Variants in CRB1 observed in about 807,000 individuals in gnomAD.
CRB1 encodes protein crumbs homolog 1.
CRB1 carries 83 observed loss-of-function variants against 120.0 expected under a neutral mutation model. The observed-to-expected ratio is 0.69, with a 90% CI of 0.58 to 0.83. The LOEUF (loss-of-function observed/expected upper bound fraction) is 0.83. Ranked by LOEUF, CRB1 falls within the 40% of genes least tolerant of loss-of-function variation. The pLI is 0.00. For synonymous variants in CRB1, 625 were observed against 612.5 expected (o/e 1.02, Z -0.30); for missense variants, 1,699 against 1,687.6 (o/e 1.01, Z -0.12).
At chr1:197,441,126 G>A (rs1665412808) in intron 10 of CRB1, 1 of 152,164 alleles carries the variant, frequency 6.6e-6, no homozygotes, top group Admixed American at 6.5e-5. Context: ...TTTGGAAGGT[G>A]AGGGAAAGAA....
chr1:197,450,957 C>CAAAAAAAAAAAAAAAAAAAAAA (rs11288525), intron 11 of CRB1, among the ~76,000 whole-genome samples: 2 of 56,632 alleles, frequency 3.5e-5, no homozygotes, highest in Non-Finnish European at 6.1e-5. Flanking sequence ...GACTCCGTCC[C>CAAAAAAAAAAAAAAAAAAAAAA]AAAAAAAAAA....
chr1:197,375,362 G>A (rs1458602224), intron 5 of CRB1, among the ~76,000 whole-genome samples: 1 of 152,162 alleles, frequency 6.6e-6, no homozygotes, highest in African/African-American at 2.4e-5. Context: ...TTGCATCACA[G>A]CTGAGGAACA....
the CRB1 span, among the ~76,000 whole-genome samples, chr1:197,252,582 ATG>A: frequency 5.9e-3 from 92 of 15,468 alleles, no homozygotes; most frequent in South Asian, 0.015. Flanking sequence ...ATATATATAT[ATG>A]TGTGTGTGTG....
chr1:197,309,698 G>T (rs1486136025), intron 1 of CRB1, among the ~76,000 whole-genome samples: 2 of 151,690 alleles, frequency 1.3e-5, no homozygotes. Context: ...AGCTTGCAGT[G>T]AGCCAAGATC....
chr1:197,413,151 T>C (rs1481093660), intron 5 of CRB1, among the ~76,000 whole-genome samples: 1 of 152,208 alleles, frequency 6.6e-6, no homozygotes, highest in East Asian at 1.9e-4. Flanking sequence ...GAAACCTCTC[T>C]AGGTCCTCAG....
rs376271122 is a variant in CRB1, at chr1:197,435,427, T to C, written c.3564T>C (p.His1188=). The C allele has an allele frequency of 3.1e-6, 5 of 1,598,104 alleles. No homozygotes were observed. The East Asian group carries it at 6.7e-5, about 21-fold the overall frequency. ...IDECFSNPCI[H]GNCSDRVAAY... is the part of the protein sequence containing the mutation. ...AATGCTTTTCAAACCCCTGTATCCA[T>C]GGCAACTGCTCTGACAGAGTTGCAG... is the stretch of plus-strand genomic sequence containing the variant. The change falls in exon 9 of 12, where the codon CAT becomes CAC. Residue 1188 remains histidine, a synonymous_variant. Coordinates refer to ENST00000367400, the MANE Select transcript of CRB1 (RefSeq NM_201253.3).
At chr1:197,340,433 A>C (rs1659384969) in intron 2 of CRB1, among the ~76,000 whole-genome samples, 1 of 152,114 alleles carries the variant, frequency 6.6e-6, no homozygotes, top group South Asian at 2.1e-4. Flanking sequence ...GGAGATAGAG[A>C]GGGGATGATG....
intron 11 of CRB1, among the ~76,000 whole-genome samples, chr1:197,467,933 A>G (rs549009974): frequency 1.3e-5 from 2 of 152,308 alleles, no homozygotes; most frequent in South Asian, 2.1e-4. Context: ...GTTTCTTGAC[A>G]TGGTATCTAG....
At chr1:197,207,906 C>T in the CRB1 span, among the ~76,000 whole-genome samples, 1,191 of 151,912 alleles carry the variant, frequency 7.8e-3, 14 homozygotes, top group African/African-American at 0.024. Context: ...GGAGGCTATG[C>T]TCTTTTTTTA....
chr1:197,394,602 T>C (rs1454622033), intron 5 of CRB1, among the ~76,000 whole-genome samples: 1 of 152,066 alleles, frequency 6.6e-6, no homozygotes, highest in Non-Finnish European at 1.5e-5. Context: ...AAATTATAAT[T>C]AATGCAATTA....
Position 197,405,937 on chromosome 1 carries a change from G to A in CRB1, c.1172-15063G>A, listed in dbSNP as rs542508549. On this transcript the variant is annotated intron_variant, in intron 5 of 11. Coordinates refer to ENST00000367400, the MANE Select transcript of CRB1 (RefSeq NM_201253.3). ...CAGCCCCCGCCAGGCCAGCCGTCCCGTCCGGGAGGGAGGTGGGGGGGTCAG... is the reference window on the plus strand; with the variant it reads ...CAGCCCCCGCCAGGCCAGCCGTCCCATCCGGGAGGGAGGTGGGGGGGTCAG... Among the ~76,000 whole-genome samples the A allele has an allele frequency of 9.4e-4, 142 of 150,660 alleles. No homozygotes were observed. The East Asian group carries it at 0.019, about 20-fold the overall frequency.
the CRB1 span, among the ~76,000 whole-genome samples, chr1:197,248,857 A>C: frequency 6.6e-6 from 1 of 152,006 alleles, no homozygotes; most frequent in Admixed American, 6.6e-5. Flanking sequence ...AGGCCACAGA[A>C]GGAACAGATG....
At chr1:197,258,474 C>A in the CRB1 span, among the ~76,000 whole-genome samples, 2 of 152,148 alleles carry the variant, frequency 1.3e-5, no homozygotes, top group African/African-American at 2.4e-5. Context: ...TCCCAATGTT[C>A]CATTGATATT....
chr1:197,423,018 C>G (rs1664412864), intron 6 of CRB1, among the ~76,000 whole-genome samples: 1 of 151,876 alleles, frequency 6.6e-6, no homozygotes. Context: ...ACTAGCTCTA[C>G]GTAATATTTT....
At chr1:197,368,389 A>C (rs1661194090) in intron 5 of CRB1, among the ~76,000 whole-genome samples, 1 of 152,200 alleles carries the variant, frequency 6.6e-6, no homozygotes, top group African/African-American at 2.4e-5. Flanking sequence ...TTTACCATGC[A>C]TGTTAATTTC....
Position 197,268,486 on chromosome 1 carries a change from A to T in CRB1, c.70+4A>T, listed in dbSNP as rs1267590324. On this transcript the variant is annotated splice_donor_region_variant and intron_variant, in intron 1 of 11. Transcript: ENST00000367400. ...TCACTGCTTATCTACATAAAAAGTA[A>T]GCCTTTCCCACTTTGGGCATTTTTC... 6.2e-7 allele frequency: 1 copy of T among 1,604,974 alleles called. No individual in the cohort carries two copies.
chr1:197,428,738 T>C (rs1248098619), intron 7 of CRB1, among the ~76,000 whole-genome samples: 6 of 152,192 alleles, frequency 3.9e-5, no homozygotes, highest in Non-Finnish European at 5.9e-5. Context: ...CTTAGTTCTA[T>C]TGAAGGACTA....
intron 1 of CRB1, among the ~76,000 whole-genome samples, chr1:197,316,286 A>G (rs572447): frequency 0.7 from 105,543 of 151,824 alleles, 36,905 homozygotes; most frequent in East Asian, 0.94. Flanking sequence ...CCGGGTTCAC[A>G]CCATTCTCCT....
chr1:197,239,639 A>C, the CRB1 span, among the ~76,000 whole-genome samples: 2 of 151,748 alleles, frequency 1.3e-5, no homozygotes, highest in Admixed American at 1.3e-4. Flanking sequence ...CTACTTTGTA[A>C]ATCTGTCTTT....
Sources: gnomAD v4.1 joint callset for allele counts (sites outside exome capture counted in the v4.1 genomes callset) on GRCh38, gnomAD v4.1.1 for gene constraint, MANE v1.5 for transcripts, NCBI Gene and HGNC (gene_info 2026-07-23, HGNC 2026-07-21) for gene names.